Variants in EYA3 observed in about 807,000 individuals in gnomAD.
EYA3 encodes the protein protein phosphatase EYA3.
EYA3 carries 39 observed loss-of-function variants against 80.0 expected under a neutral mutation model. The ratio of observed to expected loss-of-function variants is 0.49; its 90% confidence interval spans 0.38 to 0.64. The LOEUF (loss-of-function observed/expected upper bound fraction) is 0.64. Among genes scored for constraint, EYA3 ranks in the 30% least tolerant of loss-of-function variants. The pLI is 0.00. For synonymous variants in EYA3, 206 were observed against 232.8 expected (o/e 0.88, Z 1.05); for missense variants, 523 against 676.1 (o/e 0.77, Z 2.51).
intron 1 of EYA3, among the ~76,000 whole-genome samples, chr1:28,075,100 T>A (rs1244447969): frequency 6.6e-6 from 1 of 152,188 alleles, no homozygotes; most frequent in Non-Finnish European, 1.5e-5. Context: ...TTTACAACCC[T>A]TCCTTAGCCT....
chr1:28,040,855 AG>A (rs113342911), intron 4 of EYA3, among the ~76,000 whole-genome samples: 3,173 of 62,044 alleles, frequency 0.051, 94 homozygotes, highest in African/African-American at 0.13. Context: ...GCGGAGGGGC[AG>A]GGGGGGGTCG....
intron 1 of EYA3, among the ~76,000 whole-genome samples, chr1:28,072,564 GAAC>G (rs1251734300): frequency 6.6e-6 from 1 of 152,126 alleles, no homozygotes; most frequent in African/African-American, 2.4e-5. Flanking sequence ...CAAGGATGTG[GAAC>G]AACAAGAACT....
intron 6 of EYA3, 75 bp downstream of exon 6, chr1:28,035,469 T>C: frequency 2.6e-6 from 4 of 1,512,016 alleles, no homozygotes; most frequent in Non-Finnish European, 3.6e-6. Context: ...TTGTAAAGAA[T>C]GATGCATGGC....
chr1:28,012,603 T>C (rs1030403800), intron 9 of EYA3, among the ~76,000 whole-genome samples: 3 of 152,226 alleles, frequency 2.0e-5, no homozygotes, highest in African/African-American at 7.2e-5. Flanking sequence ...GGTTTTTAAG[T>C]TGGACACTGT....
At chr1:28,045,262 C>A (rs1643958689) in intron 3 of EYA3, among the ~76,000 whole-genome samples, 1 of 152,114 alleles carries the variant, frequency 6.6e-6, no homozygotes, top group Non-Finnish European at 1.5e-5. Context: ...ATAGTTGTGT[C>A]AGTTTCCCAA....
rs976857709 is a variant in EYA3, at chr1:27,976,565, G to A, written c.1641+1809C>T. Among the ~76,000 whole-genome samples, 7 of 152,288 alleles carry A rather than the reference G, an allele frequency of 4.6e-5. No individual in the cohort carries two copies. The East Asian group carries it at 7.7e-4, about 17-fold the overall frequency. On this transcript the variant is annotated intron_variant, in intron 17 of 17. Coordinates refer to ENST00000373871, the MANE Select transcript of EYA3 (RefSeq NM_001990.4). Reference sequence around the variant, plus strand: ...ACCCTAACAGCTTGGTTGATCCCACGGTGGAATAGGCTACTGGGAACCAGT... The same window carrying A: ...ACCCTAACAGCTTGGTTGATCCCACAGTGGAATAGGCTACTGGGAACCAGT...
chr1:27,979,098 C>T (rs1437930045), intron 16 of EYA3, among the ~76,000 whole-genome samples: 1 of 152,164 alleles, frequency 6.6e-6, no homozygotes, highest in Non-Finnish European at 1.5e-5. Flanking sequence ...AGATCACAAA[C>T]AAGCAAGTAG....
chr1:28,024,746 T>C (rs1248565036), intron 7 of EYA3, among the ~76,000 whole-genome samples: 1 of 152,056 alleles, frequency 6.6e-6, no homozygotes, highest in African/African-American at 2.4e-5. Context: ...ACATCTCAGC[T>C]GAAGAAAATG....
At chr1:28,014,131 T>C (rs1202762557) in intron 8 of EYA3, among the ~76,000 whole-genome samples, 4 of 152,070 alleles carry the variant, frequency 2.6e-5, no homozygotes, top group African/African-American at 4.8e-5. Context: ...AAAAATAGTT[T>C]CCTGGCCGGG....
At chr1:27,992,705 T>A (rs898846555) in intron 14 of EYA3, among the ~76,000 whole-genome samples, 1 of 152,102 alleles carries the variant, frequency 6.6e-6, no homozygotes, top group Non-Finnish European at 1.5e-5. Flanking sequence ...GACCAAAAAG[T>A]TAGGGAATGT....
intron 1 of EYA3, among the ~76,000 whole-genome samples, chr1:28,077,965 A>G (rs1025294194): frequency 6.6e-6 from 1 of 152,188 alleles, no homozygotes; most frequent in Non-Finnish European, 1.5e-5. Flanking sequence ...TTTGAAATCT[A>G]TGTCTTTAGC....
intron 1 of EYA3, among the ~76,000 whole-genome samples, chr1:28,065,615 T>C (rs989760441): frequency 2.0e-5 from 3 of 152,060 alleles, no homozygotes; most frequent in African/African-American, 7.2e-5. Flanking sequence ...CCTTATTTAG[T>C]GGAGAACTTT....
At chr1:28,042,273 T>C (rs1643828172) in intron 4 of EYA3, among the ~76,000 whole-genome samples, 1 of 152,218 alleles carries the variant, frequency 6.6e-6, no homozygotes, top group African/African-American at 2.4e-5. Context: ...TGGTTAAGTA[T>C]AGTTGTCTCT....
chr1:28,067,366 TTAA>T (rs1196317860), intron 1 of EYA3, among the ~76,000 whole-genome samples: 4 of 152,214 alleles, frequency 2.6e-5, no homozygotes, highest in Non-Finnish European at 5.9e-5. Flanking sequence ...TTATGTTAGT[TTAA>T]TAATAGCTTA....
chr1:28,029,223 A>G (rs940507004), intron 6 of EYA3, among the ~76,000 whole-genome samples: 6 of 152,314 alleles, frequency 3.9e-5, no homozygotes, highest in African/African-American at 1.4e-4. Flanking sequence ...AGCAAGGAGG[A>G]AATAGCACAC....
intron 1 of EYA3, among the ~76,000 whole-genome samples, chr1:28,078,538 T>C (rs1168922658): frequency 1.3e-5 from 2 of 151,258 alleles, no homozygotes; most frequent in Non-Finnish European, 2.9e-5. Context: ...ATATTAACTA[T>C]TTCTTTTTCT....
At chr1:28,038,744 TAAATATCTATTATTTTAGAGGA>T (rs1643606277) in intron 5 of EYA3, 73 bp downstream of exon 5, 1 of 646,792 alleles carries the variant, frequency 1.5e-6, no homozygotes, top group East Asian at 2.9e-5. Flanking sequence ...AAAAATAATT[TAAATATCTATTATTTTAGAGGA>T]AAAATAATAT....
intron 1 of EYA3, among the ~76,000 whole-genome samples, chr1:28,068,919 G>A (rs1291763711): frequency 6.6e-6 from 1 of 152,066 alleles, no homozygotes; most frequent in Non-Finnish European, 1.5e-5. Context: ...CGATTCTCAT[G>A]CCTCAGCCTC....
At chr1:28,041,569 A>T (rs1031319093) in intron 4 of EYA3, among the ~76,000 whole-genome samples, 3 of 152,204 alleles carry the variant, frequency 2.0e-5, no homozygotes, top group African/African-American at 7.2e-5. Context: ...CATAAAAAAA[A>T]AAATAAAGAA....
Sources: gnomAD v4.1 joint callset for allele counts (sites outside exome capture counted in the v4.1 genomes callset) on GRCh38, gnomAD v4.1.1 for gene constraint, MANE v1.5 for transcripts, NCBI Gene and HGNC (gene_info 2026-07-23, HGNC 2026-07-21) for gene names.